The following HABP2 variants were observed in gnomAD, a reference collection of about 807,000 sequenced individuals.
The protein encoded by HABP2 is factor VII-activating protease.
A neutral mutation model predicts 66.5 loss-of-function variants in HABP2; 65 were observed. That is an observed-to-expected ratio of 0.98 (90% CI 0.80 to 1.20). HABP2 has a LOEUF of 1.20. Ranked by LOEUF, HABP2 falls within the 50% of genes most tolerant of loss-of-function variation. The probability of loss-of-function intolerance (pLI) is 0.00; values close to 1 mark genes in which losing one functional copy is unlikely to be tolerated. For synonymous variants in HABP2, 263 were observed against 253.9 expected (o/e 1.04, Z -0.34); for missense variants, 786 against 691.0 (o/e 1.14, Z -1.54).
intron 8 of HABP2, among the ~76,000 whole-genome samples, chr10:113,581,131 C>T (rs1206837419): frequency 6.6e-6 from 1 of 152,160 alleles, no homozygotes; most frequent in African/African-American, 2.4e-5. Context: ...GAATGATGTG[C>T]CCTTCCACCC....
chr10:113,560,520 T>A (rs1388799330), intron 1 of HABP2, among the ~76,000 whole-genome samples: 1 of 152,180 alleles, frequency 6.6e-6, no homozygotes, highest in Non-Finnish European at 1.5e-5. Context: ...CACATCTAAG[T>A]ACATATCTGA....
chr10:113,572,698 C>T, intron 2 of HABP2: 1 of 455,238 alleles, frequency 2.2e-6, no homozygotes, highest in Non-Finnish European at 4.4e-6. Context: ...AGACAATGGC[C>T]TTATCTTCAA....
At chr10:113,579,372 C>T (rs1243247548) in intron 7 of HABP2, among the ~76,000 whole-genome samples, 1 of 152,174 alleles carries the variant, frequency 6.6e-6, no homozygotes, top group Non-Finnish European at 1.5e-5. Flanking sequence ...TCAGGATCAG[C>T]AAGAAGAGAC....
chr10:113,577,743 TC>T (rs1010451275), intron 5 of HABP2, among the ~76,000 whole-genome samples: 35 of 152,214 alleles, frequency 2.3e-4, no homozygotes, highest in African/African-American at 7.7e-4. Context: ...GGCCCACCAC[TC>T]CTGCTCCGTC....
In HABP2 at chr10:113,585,894, A is replaced by G. The variant is rs767063401; in HGVS notation, c.1474A>G (p.Ile492Val). 9 of 1,613,920 alleles carry G rather than the reference A, an allele frequency of 5.6e-6. No individual in the cohort carries two copies. Among genetic ancestry groups the G allele is most frequent in the Non-Finnish European group, 7.6e-6 (9 of 1,179,746 alleles). Residue 492 changes from isoleucine to valine, a missense_variant, in exon 12 of 13, where the codon ATC (isoleucine) becomes GTC (valine). Physicochemically the swap from Ile to Val is conservative, Grantham distance 29. Transcript: ENST00000351270. ...LYDHMIDDSM[I>V]CAGNLQKPGQ... is the part of the protein sequence containing the mutation. ...TGACCACATGATTGATGACAGTATG[A>G]TCTGTGCAGGAAATCTTCAGAAACC... is the stretch of plus-strand genomic sequence containing the variant.
In HABP2 at chr10:113,588,425, G is replaced by A. The variant is rs945015751; in HGVS notation, c.*56G>A. The A allele has an allele frequency of 2.8e-6, 4 of 1,406,210 alleles. No individual in the cohort carries two copies. Among genetic ancestry groups the A allele is most frequent in the Non-Finnish European group, 3.9e-6 (4 of 1,020,052 alleles). 87.1% of individuals were successfully genotyped at this position (1,406,210 alleles called of 1,614,324 possible). A position where few individuals can be genotyped will look rare whatever the true frequency, so the allele number is the denominator to read the frequency against. ...CTCCTTGGCACCCTGACACCGGGAG[G>A]CCTCATGGCCAACAATGGACACCTC... is the stretch of plus-strand genomic sequence containing the variant. On this transcript the variant is annotated 3_prime_UTR_variant, in exon 13 of 13. Transcript: ENST00000351270.
At chr10:113,588,126 A>T in intron 12 of HABP2, 79 bp from the exon 13 acceptor site, 3 of 1,236,166 alleles carry the variant, frequency 2.4e-6, no homozygotes, top group East Asian at 4.8e-5. Context: ...TCCCTCCCTG[A>T]CACCCCCTGG....
At position 113,584,235 on chromosome 10, in the gene HABP2, C is replaced by G. The variant is rs370038460; in HGVS notation, c.1325C>G (p.Pro442Arg). 12 of 1,613,804 alleles carry G rather than the reference C, an allele frequency of 7.4e-6. No homozygotes were observed. The highest frequency in any genetic ancestry group is 1.0e-5 in the Non-Finnish European group (12 of 1,179,800). ...GTGTGCTTGCCTGATGGGTCCTTTC[C>G]CTCTGGGAGTGAGTGCCACATCTCT... Reference protein sequence around the residue: ...KTVCLPDGSFPSGSECHISGW... With the variant: ...KTVCLPDGSFRSGSECHISGW... The change falls in exon 11 of 13, where the codon CCC (proline) becomes CGC (arginine). Residue 442 changes from proline (P) to arginine (R), a missense_variant. Physicochemically the swap from Pro to Arg is moderately radical, Grantham distance 103. Coordinates refer to ENST00000351270, the MANE Select transcript of HABP2 (RefSeq NM_004132.5).
chr10:113,577,473 A>G (rs1845433435), intron 5 of HABP2, among the ~76,000 whole-genome samples: 1 of 152,212 alleles, frequency 6.6e-6, no homozygotes, highest in African/African-American at 2.4e-5. Flanking sequence ...CCACCCAAAA[A>G]GAATCATCTT....
At chr10:113,573,261 G>A (rs919282283) in intron 2 of HABP2, among the ~76,000 whole-genome samples, 7 of 152,198 alleles carry the variant, frequency 4.6e-5, no homozygotes, top group African/African-American at 1.7e-4. Context: ...CAAGGCCCCA[G>A]AGAGCAAAGA....
intron 1 of HABP2, among the ~76,000 whole-genome samples, chr10:113,561,549 CT>C: frequency 6.6e-6 from 1 of 152,130 alleles, no homozygotes; most frequent in East Asian, 1.9e-4. Flanking sequence ...AACATGTGGC[CT>C]ACCACCAGGC....
At chr10:113,555,154 G>C (rs540739956) in intron 1 of HABP2, among the ~76,000 whole-genome samples, 1 of 152,332 alleles carries the variant, frequency 6.6e-6, no homozygotes, top group South Asian at 2.1e-4. Context: ...CTGAGTGCTA[G>C]CCCCTGAACT....
chr10:113,587,162 A>C (rs1845655369), intron 12 of HABP2, among the ~76,000 whole-genome samples: 1 of 152,170 alleles, frequency 6.6e-6, no homozygotes, highest in Non-Finnish European at 1.5e-5. Flanking sequence ...TAAAAGAAAA[A>C]TACAAAAATT....
intron 1 of HABP2, among the ~76,000 whole-genome samples, chr10:113,557,114 C>T (rs754920887): frequency 1.3e-5 from 2 of 152,156 alleles, no homozygotes; most frequent in African/African-American, 4.8e-5. Flanking sequence ...CAAGCATCCA[C>T]ACCTGCATGG....
intron 1 of HABP2, among the ~76,000 whole-genome samples, chr10:113,559,316 C>T (rs1845058422): frequency 6.6e-6 from 1 of 152,228 alleles, no homozygotes; most frequent in South Asian, 2.1e-4. Flanking sequence ...ACAGATATTT[C>T]TCACCAAGTC....
intron 1 of HABP2, among the ~76,000 whole-genome samples, chr10:113,564,222 A>C (rs1845155387): frequency 1.3e-5 from 2 of 152,140 alleles, no homozygotes; most frequent in Admixed American, 1.3e-4. Context: ...TATCATGAGA[A>C]CAGCACAGGA....
At chr10:113,565,949 T>C (rs1038058690) in intron 1 of HABP2, among the ~76,000 whole-genome samples, 5 of 152,258 alleles carry the variant, frequency 3.3e-5, no homozygotes, top group Non-Finnish European at 7.3e-5. Context: ...GAGTACTATC[T>C]GTTGATATTT....
At chr10:113,561,082 C>T (rs371906630) in intron 1 of HABP2, among the ~76,000 whole-genome samples, 21 of 152,178 alleles carry the variant, frequency 1.4e-4, no homozygotes, top group African/African-American at 4.6e-4. Flanking sequence ...GGCACAACTG[C>T]TCATCTTAGT....
chr10:113,562,567 C>G (rs11575637), intron 1 of HABP2, among the ~76,000 whole-genome samples: 620 of 152,136 alleles, frequency 4.1e-3, no homozygotes, highest in Non-Finnish European at 6.8e-3. Flanking sequence ...GCCTCAGCCA[C>G]CCGAGTAGCT....
Sources: allele counts gnomAD v4.1 joint callset (sites outside exome capture counted in the v4.1 genomes callset), GRCh38; gene constraint gnomAD v4.1.1; transcripts MANE v1.5; gene names NCBI Gene and HGNC (gene_info 2026-07-23, HGNC 2026-07-21).